FER1L6: variants seen among roughly 807,000 people sequenced by gnomAD.
FER1L6 encodes fer-1 like family member 6.
A neutral mutation model predicts 219.2 loss-of-function variants in FER1L6; 177 were observed. The observed-to-expected ratio is 0.81, with a 90% CI of 0.71 to 0.91. FER1L6 has a LOEUF of 0.91. FER1L6 is among the 40% of genes least tolerant of loss of function. The pLI is 0.00. For synonymous variants in FER1L6, 768 were observed against 824.3 expected, an observed-to-expected ratio of 0.93 and a Z score of 1.17; for missense variants, 2,153 against 2,259.9, an observed-to-expected ratio of 0.95 and a Z score of 0.96.
At chr8:123,915,842 T>C (rs1813173558) in intron 1 of FER1L6, among the ~76,000 whole-genome samples, 1 of 152,044 alleles carries the variant, frequency 6.6e-6, no homozygotes, top group East Asian at 1.9e-4. Flanking sequence ...TTCTTGAATG[T>C]GGAAGTGAGA....
chr8:124,028,018 A>G (rs1293121741), intron 18 of FER1L6, among the ~76,000 whole-genome samples: 2 of 152,228 alleles, frequency 1.3e-5, no homozygotes, highest in Non-Finnish European at 2.9e-5. Flanking sequence ...ATAGCAAAAC[A>G]CTTCAGAAGG....
intron 1 of FER1L6, among the ~76,000 whole-genome samples, chr8:123,914,556 C>T (rs552840013): frequency 6.6e-6 from 1 of 152,158 alleles, no homozygotes; most frequent in Non-Finnish European, 1.5e-5. Flanking sequence ...CAAATAGCCT[C>T]ACCCACTCAA....
chr8:124,034,841 A>G (rs1819128906), intron 18 of FER1L6, among the ~76,000 whole-genome samples: 1 of 152,216 alleles, frequency 6.6e-6, no homozygotes, highest in South Asian at 2.1e-4. Context: ...CAGTCAGGCT[A>G]TGGGGTTCAG....
chr8:123,896,872 A>G (rs1012561906), intron 1 of FER1L6, among the ~76,000 whole-genome samples: 7 of 152,104 alleles, frequency 4.6e-5, no homozygotes, highest in Non-Finnish European at 7.4e-5. Context: ...GCTGCCCTGC[A>G]GCTATTCTAG....
chr8:123,977,617 C>T lies in FER1L6; in HGVS notation c.1063+8C>T. ...AACAGGATGGAGACAAAGGTAAAGT[C>T]CCATCCATCTGACTTGAAAAATGTC... On this transcript the variant is annotated splice_region_variant and intron_variant, in intron 10 of 40. Coordinates refer to ENST00000522917, the MANE Select transcript of FER1L6 (RefSeq NM_001039112.2). The T allele has an allele frequency of 6.2e-7, 1 of 1,612,570 alleles. No homozygotes were observed. Among genetic ancestry groups the T allele is most frequent in the Non-Finnish European group, 8.5e-7 (1 of 1,178,848 alleles).
At chr8:123,957,756 T>C (rs1379530652) in intron 2 of FER1L6, among the ~76,000 whole-genome samples, 1 of 152,114 alleles carries the variant, frequency 6.6e-6, no homozygotes. Flanking sequence ...ACCACAGGCA[T>C]TTCAGAGGAG....
chr8:124,059,785 C>T (rs1365405096), intron 22 of FER1L6, among the ~76,000 whole-genome samples: 1 of 152,102 alleles, frequency 6.6e-6, no homozygotes, highest in Admixed American at 6.6e-5. Context: ...TTGACAAGTC[C>T]GAAGGGAGTG....
intron 39 of FER1L6, among the ~76,000 whole-genome samples, chr8:124,114,853 C>T (rs959286074): frequency 2.1e-5 from 3 of 144,442 alleles, no homozygotes; most frequent in Non-Finnish European, 4.5e-5. Flanking sequence ...ACTATATATA[C>T]ACTTAAATAC....
intron 1 of FER1L6, among the ~76,000 whole-genome samples, chr8:123,934,175 G>A (rs898317656): frequency 2.0e-5 from 3 of 152,070 alleles, no homozygotes; most frequent in African/African-American, 7.2e-5. Flanking sequence ...GTGCAGTGGC[G>A]CCACGTCGAT....
intron 5 of FER1L6, 49 bp downstream of exon 5, chr8:123,966,339 C>T: frequency 1.9e-6 from 3 of 1,606,024 alleles, no homozygotes; most frequent in Non-Finnish European, 2.6e-6. Context: ...TTCTCTTCAC[C>T]ACCATTCTGC....
intron 3 of FER1L6, among the ~76,000 whole-genome samples, 195 bp downstream of exon 3, chr8:123,963,593 T>C (rs1446120901): frequency 6.6e-6 from 1 of 152,202 alleles, no homozygotes; most frequent in Non-Finnish European, 1.5e-5. Flanking sequence ...CCGTTCAGCC[T>C]TCATCAGGCC....
In FER1L6 at chr8:124,035,303, G is replaced by T. The variant is rs1819150764; in HGVS notation, c.2313G>T (p.Trp771Cys). 6.2e-7 allele frequency: 1 copy of T among 1,613,818 alleles called. No homozygotes were observed. Among genetic ancestry groups the T allele is most frequent in the Non-Finnish European group, 8.5e-7 (1 of 1,179,920 alleles). ...CTCCTGGGAAACGACCGGCTGGTTG[G>T]TCTGTGCAAGCAAAAGTCGACGTGT... Reference protein sequence around the residue: ...LKPPGKRPAGWSVQAKVDVYL... With the variant: ...LKPPGKRPAGCSVQAKVDVYL... The change falls in exon 19 of 41, where the codon TGG (tryptophan) becomes TGT (cysteine). Residue 771 changes from tryptophan (W) to cysteine (C), a missense_variant. By Grantham distance (215) the Trp-to-Cys change is radical (BLOSUM62 -2). Coordinates refer to ENST00000522917, the MANE Select transcript of FER1L6 (RefSeq NM_001039112.2).
intron 1 of FER1L6, among the ~76,000 whole-genome samples, chr8:123,889,844 T>G (rs1330274111): frequency 1.3e-5 from 2 of 152,022 alleles, no homozygotes; most frequent in African/African-American, 4.8e-5. Context: ...AAAAGAAAAT[T>G]TAGGACAAGA....
At chr8:124,050,084 CAT>C (rs1819940121) in intron 22 of FER1L6, among the ~76,000 whole-genome samples, 2 of 152,174 alleles carry the variant, frequency 1.3e-5, no homozygotes, top group South Asian at 4.1e-4. Context: ...AGGAAGCAAA[CAT>C]GTGGGCACTT....
chr8:123,865,914 G>T (rs1816828853), intron 1 of FER1L6, among the ~76,000 whole-genome samples: 3 of 151,372 alleles, frequency 2.0e-5, no homozygotes, highest in Admixed American at 2.0e-4. Context: ...CGGTACCTCA[G>T]ATGGAAATGC....
intron 31 of FER1L6, among the ~76,000 whole-genome samples, chr8:124,072,985 T>C (rs551858272): frequency 6.6e-6 from 1 of 152,354 alleles, no homozygotes; most frequent in South Asian, 2.1e-4. Flanking sequence ...CATTCAAGGC[T>C]CTGAGAATTT....
chr8:124,040,732 G>C (rs1351730119), intron 20 of FER1L6: 1 of 152,602 alleles, frequency 6.6e-6, no homozygotes, highest in African/African-American at 2.4e-5. Context: ...CACGTGGCAA[G>C]GGGGTGGAGC....
chr8:123,964,497 G>A (rs1815444802), intron 3 of FER1L6, among the ~76,000 whole-genome samples: 1 of 152,138 alleles, frequency 6.6e-6, no homozygotes, highest in Admixed American at 6.5e-5. Flanking sequence ...CTCAAAAGAA[G>A]ACATGAAATG....
In FER1L6 at chr8:124,050,755, A is replaced by C. The variant is rs1443497637; in HGVS notation, c.2874+999A>C. On this transcript the variant is annotated intron_variant, in intron 22 of 40. Coordinates refer to ENST00000522917, the MANE Select transcript of FER1L6 (RefSeq NM_001039112.2). ...CATGCCACCAAGAGAGAGAGAAGTTATCTCTCTTGTGTCTCTTCTTATCAG... is the reference window on the plus strand; with the variant it reads ...CATGCCACCAAGAGAGAGAGAAGTTCTCTCTCTTGTGTCTCTTCTTATCAG... Among the ~76,000 whole-genome samples the C allele has an allele frequency of 3.3e-5, 5 of 152,070 alleles. No homozygotes were observed. In the South Asian group the frequency reaches 6.3e-4, roughly 19 times the overall value.
Sources: allele counts gnomAD v4.1 joint callset (sites outside exome capture counted in the v4.1 genomes callset), GRCh38; gene constraint gnomAD v4.1.1; transcripts MANE v1.5; gene names NCBI Gene and HGNC (gene_info 2026-07-23, HGNC 2026-07-21).